ACBD5: variants seen among roughly 807,000 people sequenced by gnomAD.
ACBD5 encodes acyl-CoA binding domain containing 5.
A neutral mutation model predicts 71.8 loss-of-function variants in ACBD5; 40 were observed. The ratio of observed to expected loss-of-function variants is 0.56; its 90% confidence interval spans 0.43 to 0.72. The LOEUF is 0.72. ACBD5 is among the 30% of genes least tolerant of loss of function. ACBD5 has a pLI of 0.00. For missense variants in ACBD5, 559 were observed against 644.5 expected, an observed-to-expected ratio of 0.87 and a Z score of 1.44; for synonymous variants, 229 against 218.6, an observed-to-expected ratio of 1.05 and a Z score of -0.42.
chr10:27,186,426 C>T (rs1174092901), intron 13 of ACBD5: 2 of 1,614,084 alleles, frequency 1.2e-6, no homozygotes, highest in African/African-American at 1.3e-5. Flanking sequence ...GGAAAATCTG[C>T]AGCATCAGAC....
At chr10:27,223,576 T>C (rs184149995) in intron 4 of ACBD5, 124 bp from the exon 5 acceptor site, 1 of 760,738 alleles carries the variant, frequency 1.3e-6, no homozygotes, top group Admixed American at 2.1e-5. Context: ...TAATAGACTC[T>C]CTGAAGGATC....
At chr10:27,219,486 G>A (rs1254005038) in intron 6 of ACBD5, among the ~76,000 whole-genome samples, 7 of 152,084 alleles carry the variant, frequency 4.6e-5, no homozygotes, top group Non-Finnish European at 1.0e-4. Context: ...CATCCATTTG[G>A]AGGAGTGGCC....
Position 27,223,276 on chromosome 10 carries a change from A to G in ACBD5, c.490+62T>C, listed in dbSNP as rs747507221. On this transcript the variant is annotated intron_variant, in intron 5 of 12. Transcript: ENST00000396271. ...AAGTAAGAAAAAAAATCAGAGATAC[A>G]AATATTAATATGTGCATAATATATC... The G allele has an allele frequency of 4.8e-6, 6 of 1,246,876 alleles. No homozygotes were observed. The South Asian group carries it at 7.2e-5, about 15-fold the overall frequency. The allele number at this position is 1,246,876 out of a possible 1,614,324, so 77.2% of individuals were successfully genotyped here. A position where few individuals can be genotyped will look rare whatever the true frequency, so the allele number is the denominator to read the frequency against.
upstream of ACBD5, chr10:27,242,072 G>T (rs1457359450): frequency 4.4e-6 from 2 of 453,552 alleles, no homozygotes; most frequent in South Asian, 3.1e-5. Context: ...GGTATTGCCG[G>T]ACAAGGCCTG....
intron 13 of ACBD5, among the ~76,000 whole-genome samples, chr10:27,189,093 C>A (rs2058945225): frequency 6.6e-6 from 1 of 152,228 alleles, no homozygotes; most frequent in Non-Finnish European, 1.5e-5. Flanking sequence ...GGGACAGCAC[C>A]AGAGGAATTG....
intron 10 of ACBD5, among the ~76,000 whole-genome samples, chr10:27,206,814 T>C (rs4749236): frequency 0.7 from 106,549 of 151,546 alleles, 37,525 homozygotes; most frequent in Admixed American, 0.72. Flanking sequence ...CCGCGCCCGG[T>C]CATAAGGCAC....
chr10:27,228,791 T>TATA, intron 4 of ACBD5, among the ~76,000 whole-genome samples: 18 of 22,122 alleles, frequency 8.1e-4, no homozygotes, highest in African/African-American at 1.3e-3. Context: ...CCTATTATGT[T>TATA]TATATATATA....
At chr10:27,200,269 C>T (rs749661257) in intron 12 of ACBD5, among the ~76,000 whole-genome samples, 3 of 152,114 alleles carry the variant, frequency 2.0e-5, no homozygotes, top group Non-Finnish European at 4.4e-5. Context: ...GACCTCTGGT[C>T]GTCCTCACTG....
chr10:27,240,276 C>G lies in ACBD5; in HGVS notation c.181+43G>C, dbSNP rs1368779847. 6.2e-7 allele frequency: 1 copy of G among 1,613,754 alleles called. No homozygotes were observed. The highest frequency in any genetic ancestry group is 8.5e-7 in the Non-Finnish European group (1 of 1,180,016). On this transcript the variant is annotated intron_variant, in intron 2 of 12. Coordinates refer to ENST00000396271, the MANE Select transcript of ACBD5 (RefSeq NM_145698.5). The surrounding 1 kb of genome is among the most constrained non-coding windows in gnomAD (Gnocchi z 4.1). Reference sequence around the variant, plus strand: ...CAGAAAGTGAAAGGGGGCTTTGGGGCTCTCTGCAGGAGGCGTCTACAGCCG... The same window carrying G: ...CAGAAAGTGAAAGGGGGCTTTGGGGGTCTCTGCAGGAGGCGTCTACAGCCG...
At position 27,240,209 on chromosome 10, in the gene ACBD5, G is replaced by A. The variant is rs1379696044; in HGVS notation, c.181+110C>T. Reference sequence around the variant, plus strand: ...TCAATAGCTCCCCTTCCACTACATGGCTCCTACACAGAAAAAAAGGCTAAA... The same window carrying A: ...TCAATAGCTCCCCTTCCACTACATGACTCCTACACAGAAAAAAAGGCTAAA... On this transcript the variant is annotated intron_variant, in intron 2 of 12. Coordinates refer to ENST00000396271, the MANE Select transcript of ACBD5 (RefSeq NM_145698.5). This position sits in a 1 kb window ranked among gnomAD's most constrained non-coding sequence, Gnocchi z 4.1. The A allele has an allele frequency of 2.6e-6, 4 of 1,552,526 alleles. No individual in the cohort carries two copies. Among genetic ancestry groups the A allele is most frequent in the Non-Finnish European group, 3.5e-6 (4 of 1,137,618 alleles).
chr10:27,203,786 C>T (rs769273251), intron 12 of ACBD5, among the ~76,000 whole-genome samples: 43 of 151,490 alleles, frequency 2.8e-4, no homozygotes, highest in Admixed American at 9.9e-4. Context: ...AATAAAAGTA[C>T]CTCCAAATTC....
intron 4 of ACBD5, among the ~76,000 whole-genome samples, chr10:27,223,753 A>T (rs996450242): frequency 5.3e-4 from 81 of 152,052 alleles, no homozygotes; most frequent in Non-Finnish European, 9.6e-4. Flanking sequence ...AAAATTTTTT[A>T]AAAAACATTA....
upstream of ACBD5, among the ~76,000 whole-genome samples, chr10:27,241,609 T>A (rs2065501273): frequency 6.6e-6 from 1 of 152,086 alleles, no homozygotes; most frequent in South Asian, 2.1e-4. Flanking sequence ...GGCTCACGCC[T>A]GTAATCTCGA....
At chr10:27,227,830 A>C (rs2800402) in intron 4 of ACBD5, among the ~76,000 whole-genome samples, 26,940 of 151,876 alleles carry the variant, frequency 0.18, 2,928 homozygotes, top group East Asian at 0.32. Flanking sequence ...CTTCTGTCTC[A>C]GCCCCTCTAG....
chr10:27,231,677 A>C, intron 4 of ACBD5, 71 bp downstream of exon 4: 1 of 1,347,406 alleles, frequency 7.4e-7, no homozygotes, highest in Admixed American at 1.7e-5. Context: ...AAAGCAGCTA[A>C]TTTGTCTGAT....
At chr10:27,242,016 T>C (rs758811936), upstream of ACBD5, 1 of 453,392 alleles carries the variant, frequency 2.2e-6, no homozygotes, top group Non-Finnish European at 4.4e-6. Flanking sequence ...TAGGCGCAGA[T>C]CGTAAGTTAC....
chr10:27,221,113 A>G (rs2062279200), intron 5 of ACBD5, among the ~76,000 whole-genome samples: 1 of 139,104 alleles, frequency 7.2e-6, no homozygotes, highest in South Asian at 2.4e-4. Context: ...ATTATGGTGC[A>G]GGTCCACAAT....
In ACBD5 at chr10:27,204,563, A is replaced by G. The variant is rs764600843; in HGVS notation, c.1456-14T>C. On this transcript the variant is annotated splice_polypyrimidine_tract_variant and intron_variant, in intron 11 of 12. Coordinates refer to ENST00000396271, the MANE Select transcript of ACBD5 (RefSeq NM_145698.5). ...CCAAGATGGTCTCTGAGAAAATACA[A>G]TAAGCTTGTCACCAATCTATTCAAT... 24 of 1,590,388 alleles carry G rather than the reference A, an allele frequency of 1.5e-5. No individual in the cohort carries two copies. The highest frequency in any genetic ancestry group is 2.1e-5 in the Non-Finnish European group (24 of 1,158,660).
intron 12 of ACBD5, among the ~76,000 whole-genome samples, chr10:27,200,720 A>G (rs2059835589): frequency 6.6e-6 from 1 of 152,078 alleles, no homozygotes; most frequent in African/African-American, 2.4e-5. Flanking sequence ...CGGCCTCCCA[A>G]AGTGCTGGGA....
Sources: gnomAD v4.1 joint callset for allele counts (sites outside exome capture counted in the v4.1 genomes callset) on GRCh38, gnomAD v4.1.1 for gene constraint, Gnocchi (gnomAD v3.1) non-coding constraint, MANE v1.5 for transcripts, NCBI Gene and HGNC (gene_info 2026-07-23, HGNC 2026-07-21) for gene names.